Variants in MYLIP observed in about 807,000 individuals in gnomAD.
MYLIP encodes myosin regulatory light chain interacting protein.
In MYLIP, 26 loss-of-function variants were observed where a neutral mutation model predicts 45.8. The observed-to-expected ratio is 0.57, with a 90% CI of 0.42 to 0.79. MYLIP has a LOEUF of 0.79. Among genes scored for constraint, MYLIP ranks in the 30% least tolerant of loss-of-function variants. The pLI, the probability that MYLIP is intolerant of heterozygous loss-of-function variation, is 0.00. For synonymous variants in MYLIP, 213 were observed against 218.1 expected (o/e 0.98, Z 0.21); for missense variants, 494 against 555.6 (o/e 0.89, Z 1.11).
chr6:16,162,046 GA>G, the MYLIP span, among the ~76,000 whole-genome samples: 1 of 152,224 alleles, frequency 6.6e-6, no homozygotes, highest in South Asian at 2.1e-4. Flanking sequence ...ATATTTGTGA[GA>G]ATTTGTAATT....
intron 2 of MYLIP, among the ~76,000 whole-genome samples, chr6:16,133,188 C>A (rs1759490681): frequency 6.6e-6 from 1 of 152,228 alleles, no homozygotes; most frequent in South Asian, 2.1e-4. Context: ...TACCAGCCAT[C>A]CAGACTGCTA....
chr6:16,151,789 G>A (rs1055138834), downstream of MYLIP, among the ~76,000 whole-genome samples: 1 of 152,124 alleles, frequency 6.6e-6, no homozygotes, highest in Non-Finnish European at 1.5e-5. Flanking sequence ...GTTGCTTAGA[G>A]AAAAAATACA....
chr6:16,142,029 G>A, intron 3 of MYLIP, among the ~76,000 whole-genome samples: 1 of 152,200 alleles, frequency 6.6e-6, no homozygotes, highest in Non-Finnish European at 1.5e-5. Context: ...AGACCAAAGG[G>A]TATCCAAGCA....
chr6:16,146,618 C>T (rs370834955), intron 6 of MYLIP, 44 bp from the exon 7 acceptor site: 61 of 1,525,608 alleles, frequency 4.0e-5, no homozygotes, highest in Admixed American at 2.5e-4. Context: ...GGCCCCCCAC[C>T]GAGGCTTGCA....
chr6:16,155,312 C>A, the MYLIP span, among the ~76,000 whole-genome samples: 1 of 152,156 alleles, frequency 6.6e-6, no homozygotes, highest in African/African-American at 2.4e-5. Context: ...AGGAAAGATT[C>A]TCATTATACA....
chr6:16,159,857 C>T, the MYLIP span, among the ~76,000 whole-genome samples: 9 of 152,248 alleles, frequency 5.9e-5, no homozygotes, highest in South Asian at 1.0e-3. Context: ...GCTACCACCA[C>T]GCAGCAACCA....
At chr6:16,159,142 C>T in the MYLIP span, among the ~76,000 whole-genome samples, 9 of 152,226 alleles carry the variant, frequency 5.9e-5, no homozygotes, top group African/African-American at 1.9e-4. Context: ...GCACCCTGTA[C>T]AACCCTAAGA....
At chr6:16,141,123 C>T (rs369689595) in intron 2 of MYLIP, among the ~76,000 whole-genome samples, 12 of 152,098 alleles carry the variant, frequency 7.9e-5, no homozygotes, top group Non-Finnish European at 1.0e-4. Context: ...ATTGAGGTAC[C>T]GAAGAACATC....
intron 2 of MYLIP, among the ~76,000 whole-genome samples, chr6:16,134,766 G>A (rs1215957627): frequency 6.6e-6 from 1 of 152,180 alleles, no homozygotes; most frequent in Non-Finnish European, 1.5e-5. Context: ...TCCAAAGAAA[G>A]TATTTAATCA....
downstream of MYLIP, among the ~76,000 whole-genome samples, chr6:16,152,627 C>T (rs1312551134): frequency 6.6e-6 from 1 of 152,236 alleles, no homozygotes; most frequent in Admixed American, 6.5e-5. Context: ...TAGTTCTTGC[C>T]TGCTCTGGGA....
the MYLIP span, among the ~76,000 whole-genome samples, chr6:16,159,661 A>C: frequency 6.6e-6 from 1 of 152,136 alleles, no homozygotes; most frequent in Admixed American, 6.6e-5. Flanking sequence ...ACCATCCTGA[A>C]TCCAGCCAGT....
At chr6:16,151,637 A>T (rs1759881628), downstream of MYLIP, among the ~76,000 whole-genome samples, 1 of 152,232 alleles carries the variant, frequency 6.6e-6, no homozygotes, top group Non-Finnish European at 1.5e-5. Context: ...AACATTGCAG[A>T]TTACTTATAT....
chr6:16,136,242 A>ACCCCCCCCCCCCCCCCCCC (rs1228427102), intron 2 of MYLIP, among the ~76,000 whole-genome samples: 1 of 77,510 alleles, frequency 1.3e-5, no homozygotes, highest in African/African-American at 4.9e-5. Flanking sequence ...CTTCTTTCCC[A>ACCCCCCCCCCCCCCCCCCC]CCCCCACCCA....
chr6:16,149,391 G>T (rs889995082), downstream of MYLIP, among the ~76,000 whole-genome samples: 2 of 152,228 alleles, frequency 1.3e-5, no homozygotes, highest in African/African-American at 4.8e-5. Context: ...GGCACAGGAG[G>T]CAGGGATTCA....
intron 2 of MYLIP, among the ~76,000 whole-genome samples, chr6:16,131,049 G>C (rs182349314): frequency 9.7e-6 from 1 of 102,732 alleles, no homozygotes; most frequent in Non-Finnish European, 2.0e-5. Context: ...AAAAAAAAAA[G>C]AAACCACCCT....
At chr6:16,144,828 T>C (rs1474133324) in intron 5 of MYLIP, 69 bp from the exon 6 acceptor site, 1 of 1,512,094 alleles carries the variant, frequency 6.6e-7, no homozygotes, top group Non-Finnish European at 8.9e-7. Context: ...CTGTTCTTAT[T>C]GACAACAGCG....
chr6:16,131,728 G>GT (rs901121955), intron 2 of MYLIP, among the ~76,000 whole-genome samples: 2 of 152,156 alleles, frequency 1.3e-5, no homozygotes, highest in African/African-American at 4.8e-5. Flanking sequence ...TCCTTTAAGA[G>GT]TTTTTTACAT....
At chr6:16,157,392 T>C in the MYLIP span, among the ~76,000 whole-genome samples, 1 of 152,266 alleles carries the variant, frequency 6.6e-6, no homozygotes, top group African/African-American at 2.4e-5. Context: ...AGTTCCTTCA[T>C]AGCATTTATC....
chr6:16,129,363 A>G lies in MYLIP; in HGVS notation c.41A>G (p.Glu14Gly). Residue 14 changes from glutamate (E) to glycine (G), a missense_variant, in exon 1 of 7, where the codon GAG (glutamate) becomes GGG (glycine). Coordinates refer to ENST00000356840, the MANE Select transcript of MYLIP (RefSeq NM_013262.4). The surrounding 1 kb of genome is among the most constrained non-coding windows in gnomAD (Gnocchi z 5.1). ...ACGAGGCCGGACGCGGTGCTGATGG[A>G]GGTGGAGGTGGAGGCGAAAGCCAAC... Reference protein sequence around the residue: ...YVTRPDAVLMEVEVEAKANGE... With the variant: ...YVTRPDAVLMGVEVEAKANGE... 6.3e-7 allele frequency: 1 copy of G among 1,583,736 alleles called. No individual in the cohort carries two copies. The highest frequency in any genetic ancestry group is 8.6e-7 in the Non-Finnish European group (1 of 1,164,610).
Sources: gnomAD v4.1 joint callset for allele counts (sites outside exome capture counted in the v4.1 genomes callset) on GRCh38, gnomAD v4.1.1 for gene constraint, Gnocchi (gnomAD v3.1) non-coding constraint, MANE v1.5 for transcripts, NCBI Gene and HGNC (gene_info 2026-07-23, HGNC 2026-07-21) for gene names.